Variants in FRRS1L observed in about 807,000 individuals in gnomAD.
FRRS1L encodes DOMON domain-containing protein FRRS1L.
Under a neutral mutation model 28.6 loss-of-function variants are expected in FRRS1L, and 22 were observed. That is an observed-to-expected ratio of 0.77 (90% CI 0.55 to 1.10). The LOEUF (loss-of-function observed/expected upper bound fraction) is 1.10, where lower values mean the gene tolerates loss of function less well. Ranked by LOEUF, FRRS1L falls within the 50% of genes least tolerant of loss-of-function variation. The probability of loss-of-function intolerance (pLI) is 0.00; values close to 1 mark genes in which losing one functional copy is unlikely to be tolerated. For missense variants in FRRS1L, 380 were observed against 386.9 expected (o/e 0.98, Z 0.15); for synonymous variants, 158 against 151.4 (o/e 1.04, Z -0.32).
chr9:109,141,432 T>G lies in FRRS1L; in HGVS notation c.620A>C (p.Lys207Thr), dbSNP rs1165664544. 1 of 1,614,176 alleles carries G rather than the reference T, an allele frequency of 6.2e-7. No individual in the cohort carries two copies. Among genetic ancestry groups the G allele is most frequent in the Admixed American group, 1.7e-5 (1 of 60,026 alleles). The change falls in exon 4 of 5, where the codon AAA becomes ACA. Residue 207 changes from lysine (K) to threonine (T), a missense_variant. Lys to Thr is a moderately conservative substitution (Grantham distance 78). Transcript: ENST00000561981. Reference protein sequence around the residue: ...FENNRVTCRFKRPVNVPRDET... With the variant: ...FENNRVTCRFTRPVNVPRDET... The stretch of plus-strand genomic sequence containing the variant: ...ATCTCTGGGAACATTCACAGGGCGT[T>G]TAAATCTGCAGGTGACGCGATTGTT...
chr9:109,153,413 C>A (rs1290854554), intron 1 of FRRS1L, among the ~76,000 whole-genome samples: 4 of 152,128 alleles, frequency 2.6e-5, no homozygotes, highest in East Asian at 1.9e-4. Flanking sequence ...TTGAACACAT[C>A]GATGTGCTGG....
chr9:109,159,671 A>T (rs988871241), intron 1 of FRRS1L, among the ~76,000 whole-genome samples: 1 of 152,136 alleles, frequency 6.6e-6, no homozygotes, highest in Non-Finnish European at 1.5e-5. Context: ...AACAACAACA[A>T]CCAAAAAAAC....
intron 1 of FRRS1L, among the ~76,000 whole-genome samples, chr9:109,165,707 C>G (rs1831540211): frequency 6.6e-6 from 1 of 152,178 alleles, no homozygotes; most frequent in African/African-American, 2.4e-5. Context: ...TATGTGCAAC[C>G]ATATGATTAA....
chr9:109,166,285 C>T (rs937147872), intron 1 of FRRS1L, among the ~76,000 whole-genome samples: 59 of 152,072 alleles, frequency 3.9e-4, no homozygotes, highest in Non-Finnish European at 6.6e-4. Context: ...GCCCAGCAGG[C>T]CACAACAATG....
chr9:109,160,373 A>G (rs1319922344), intron 1 of FRRS1L, among the ~76,000 whole-genome samples: 1 of 151,858 alleles, frequency 6.6e-6, no homozygotes, highest in East Asian at 1.9e-4. Flanking sequence ...CCTTTCCCCA[A>G]CCTGGCACAT....
In FRRS1L at chr9:109,135,675, T is replaced by G. The variant is rs1314950575; in HGVS notation, c.*1780A>C. On this transcript the variant is annotated 3_prime_UTR_variant, in exon 5 of 5. Transcript: ENST00000561981. ...CATGTTGGCCAGACTGGTCTCGAACTCCTGACCTCAGGTGATCCGCCTGCC... is the reference window on the plus strand; with the variant it reads ...CATGTTGGCCAGACTGGTCTCGAACGCCTGACCTCAGGTGATCCGCCTGCC... 6.6e-6 allele frequency: 1 copy of G among 151,972 alleles called. No individual in the cohort carries two copies. The highest frequency in any genetic ancestry group is 1.5e-5 in the Non-Finnish European group (1 of 68,050). 9.4% of individuals were successfully genotyped at this position (151,972 alleles called of 1,614,324 possible).
In FRRS1L at chr9:109,166,936, C is replaced by G. The variant is rs1478276048; in HGVS notation, c.203G>C (p.Gly68Ala). 30 of 1,376,592 alleles carry G rather than the reference C, an allele frequency of 2.2e-5. No individual in the cohort carries two copies. Among genetic ancestry groups the G allele is most frequent in the Non-Finnish European group, 2.7e-5 (29 of 1,056,374 alleles). 85.3% of individuals were successfully genotyped at this position (1,376,592 alleles called of 1,614,324 possible). A position where few individuals can be genotyped will look rare whatever the true frequency, so the allele number is the denominator to read the frequency against. ...RHDSSYGTFA[G>A]EFYDLRYLSE... Reference sequence around the variant, plus strand: ...CAGGTAGCGCAGGTCGTAGAACTCCCCCGCGAAGGTGCCGTAGGAGGAGTC... The same window carrying G: ...CAGGTAGCGCAGGTCGTAGAACTCCGCCGCGAAGGTGCCGTAGGAGGAGTC... The change falls in exon 1 of 5, where the codon GGG becomes GCG. Residue 68 changes from glycine to alanine, a missense_variant. Physicochemically the swap from Gly to Ala is moderately conservative, Grantham distance 60 (BLOSUM62 0). Transcript: ENST00000561981.
chr9:109,166,859 CG>C (rs1831558968), intron 1 of FRRS1L, 41 bp downstream of exon 1: 1 of 813,584 alleles, frequency 1.2e-6, no homozygotes, highest in Non-Finnish European at 1.6e-6. Context: ...CCCCCACCCC[CG>C]GTCTCCCCTC....
chr9:109,139,973 C>T (rs1831159029), intron 4 of FRRS1L: 1 of 152,228 alleles, frequency 6.6e-6, no homozygotes, highest in South Asian at 2.1e-4. Context: ...ACACTCACTT[C>T]CATTCTTGAG....
chr9:109,139,443 A>G (rs1024438945), intron 4 of FRRS1L: 6 of 152,364 alleles, frequency 3.9e-5, no homozygotes, highest in Non-Finnish European at 7.3e-5. Context: ...CAATTGGTAA[A>G]GCAATTTCAA....
At chr9:109,159,350 T>C (rs1291764594) in intron 1 of FRRS1L, among the ~76,000 whole-genome samples, 2 of 152,196 alleles carry the variant, frequency 1.3e-5, no homozygotes, top group Admixed American at 1.3e-4. Flanking sequence ...AATGTTTCTT[T>C]AAGCGTGTTT....
chr9:109,155,452 G>A (rs1437498298), intron 1 of FRRS1L, among the ~76,000 whole-genome samples: 1 of 152,142 alleles, frequency 6.6e-6, no homozygotes, highest in African/African-American at 2.4e-5. Context: ...AGTGGCTCAT[G>A]CCTGTAATCC....
rs961038336 is a variant in FRRS1L at position 109,136,231 on chromosome 9, C to T, written c.*1224G>A. On this transcript the variant is annotated 3_prime_UTR_variant, in exon 5 of 5. Coordinates refer to ENST00000561981, the MANE Select transcript of FRRS1L (RefSeq NM_014334.4). ...CTGGGCGACAAGAGGGAAAATTCAT[C>T]GCAAAAAAAAAAAAAAATACATTTT... The T allele has an allele frequency of 2.1e-5, 3 of 145,406 alleles. No individual in the cohort carries two copies. The highest frequency in any genetic ancestry group is 4.5e-5 in the Non-Finnish European group (3 of 66,636). The allele number at this position is 145,406 out of a possible 1,614,324, so 9.0% of individuals were successfully genotyped here.
intron 4 of FRRS1L, chr9:109,138,039 A>C (rs2118460484): frequency 6.5e-6 from 1 of 152,728 alleles, no homozygotes; most frequent in Admixed American, 6.5e-5. Context: ...GAGACTACTA[A>C]CTTTTTCCCT....
At chr9:109,165,422 G>A (rs1831535958) in intron 1 of FRRS1L, among the ~76,000 whole-genome samples, 1 of 152,190 alleles carries the variant, frequency 6.6e-6, no homozygotes, top group Non-Finnish European at 1.5e-5. Flanking sequence ...GGATGGCAGA[G>A]CAACAAGATG....
rs1831122307 is a variant in FRRS1L at position 109,137,117 on chromosome 9, A to G, written c.*338T>C. ...CTAGCCAAAGTTATATGGTATGTGG[A>G]TCATAAAAAGGCAGTCTTTTTGGGT... On this transcript the variant is annotated 3_prime_UTR_variant, in exon 5 of 5. Transcript: ENST00000561981. 6.1e-6 allele frequency: 1 copy of G among 163,672 alleles called. No homozygotes were observed. The highest frequency in any genetic ancestry group is 1.3e-5 in the Non-Finnish European group (1 of 75,534). 10.1% of individuals were successfully genotyped at this position (163,672 alleles called of 1,614,324 possible).
intron 1 of FRRS1L, among the ~76,000 whole-genome samples, chr9:109,161,515 C>G (rs1156381119): frequency 2.0e-5 from 3 of 152,026 alleles, no homozygotes; most frequent in African/African-American, 7.2e-5. Flanking sequence ...ATTTTATAAT[C>G]CCTTCATTTA....
In FRRS1L at chr9:109,130,866, A is replaced by G. The variant is rs1282899886; in HGVS notation, c.*6589T>C. 2.0e-5 allele frequency: 3 copies of G among 152,188 alleles called. No homozygotes were observed. The highest frequency in any genetic ancestry group is 2.9e-5 in the Non-Finnish European group (2 of 68,040). 9.4% of individuals were successfully genotyped at this position (152,188 alleles called of 1,614,324 possible). ...GCTACACCCACTGCAGCACCCCATT[A>G]CCTTAGAGAATCAATTACTCTCCAG... is the stretch of plus-strand genomic sequence containing the variant. On this transcript the variant is annotated 3_prime_UTR_variant, in exon 5 of 5. Transcript: ENST00000561981.
intron 1 of FRRS1L, among the ~76,000 whole-genome samples, chr9:109,152,755 G>T (rs751599361): frequency 8.1e-6 from 1 of 123,200 alleles, no homozygotes; most frequent in South Asian, 2.8e-4. Flanking sequence ...AGTGAGCCAA[G>T]ATCGCACCAC....
Sources: allele counts gnomAD v4.1 joint callset (sites outside exome capture counted in the v4.1 genomes callset), GRCh38; gene constraint gnomAD v4.1.1; transcripts MANE v1.5; gene names NCBI Gene and HGNC (gene_info 2026-07-23, HGNC 2026-07-21).